The following ADCK1 variants were observed in gnomAD, a reference collection of about 807,000 sequenced individuals.
ADCK1 encodes aarF domain containing kinase 1, also known as aarF domain-containing protein kinase 1.
ADCK1 carries 41 observed loss-of-function variants against 52.3 expected under a neutral mutation model. The ratio of observed to expected loss-of-function variants is 0.78; its 90% CI spans 0.61 to 1.02. The LOEUF is 1.02. Among genes scored for constraint, ADCK1 ranks in the 50% least tolerant of loss-of-function variants. ADCK1 has a pLI of 0.00. For missense variants in ADCK1, 658 were observed against 679.5 expected, an observed-to-expected ratio of 0.97 and a Z score of 0.35; for synonymous variants, 250 against 274.6, an observed-to-expected ratio of 0.91 and a Z score of 0.89.
intron 1 of ADCK1, among the ~76,000 whole-genome samples, chr14:77,801,404 A>G (rs1230870525): frequency 2.0e-5 from 3 of 152,178 alleles, no homozygotes; most frequent in Non-Finnish European, 4.4e-5. Context: ...GTGATTGTAA[A>G]TATGTGCATA....
chr14:77,804,895 CGTCAGAGAT>C (rs1566619338), intron 1 of ADCK1, among the ~76,000 whole-genome samples: 2 of 152,076 alleles, frequency 1.3e-5, no homozygotes, highest in African/African-American at 4.8e-5. Flanking sequence ...TGAGTAGATG[CGTCAGAGAT>C]GTTATAGAAT....
chr14:77,825,324 C>T (rs977350929), intron 3 of ADCK1, among the ~76,000 whole-genome samples: 8 of 152,136 alleles, frequency 5.3e-5, no homozygotes, highest in Non-Finnish European at 8.8e-5. Flanking sequence ...AGACAGAGCA[C>T]GAGGTTAATA....
chr14:77,880,972 C>T (rs1222116009), intron 4 of ADCK1, among the ~76,000 whole-genome samples: 1 of 152,172 alleles, frequency 6.6e-6, no homozygotes, highest in Non-Finnish European at 1.5e-5. Context: ...GTAGTGGCTG[C>T]CTGGAGCACT....
rs149637277 is a variant in ADCK1 at position 77,875,945 on chromosome 14, C to T, written c.424-11146C>T. Among the ~76,000 whole-genome samples the T allele has an allele frequency of 1.5e-3, 224 of 152,258 alleles. 4 individuals are homozygous for T. The East Asian group carries it at 0.041, about 28-fold the overall frequency. On this transcript the variant is annotated intron_variant, in intron 4 of 10. Transcript: ENST00000238561. Reference sequence around the variant, plus strand: ...TCCCCTCATCTCATTCCCCAGCTTTCCAGCCCCACCATGACCCTGCAAAAT... The same window carrying T: ...TCCCCTCATCTCATTCCCCAGCTTTTCAGCCCCACCATGACCCTGCAAAAT...
rs1429776380 is a variant in ADCK1, at chr14:77,931,541, G to A, written c.1230G>A (p.Ala410=). Residue 410 remains alanine (A), a synonymous_variant, in exon 10 of 11, where the codon GCG becomes GCA. Transcript: ENST00000238561. ...AGGACTTAGAGATTCGCAACAACGC[G>A]GCCAACTACCTCCCCCAGATCAGCC... The part of the protein sequence containing the change: ...ATEDLEIRNN[A]ANYLPQISHL... 9 of 1,613,714 alleles carry A rather than the reference G, an allele frequency of 5.6e-6. No individual in the cohort carries two copies. The highest frequency in any genetic ancestry group is 3.3e-5 in the Admixed American group (2 of 60,024).
intron 4 of ADCK1, among the ~76,000 whole-genome samples, chr14:77,874,290 C>T (rs893015677): frequency 1.4e-4 from 21 of 152,174 alleles, no homozygotes; most frequent in African/African-American, 4.6e-4. Flanking sequence ...GAGGTCAGCA[C>T]AAGAAGAGAG....
At chr14:77,928,699 A>G (rs2084254992) in intron 9 of ADCK1, among the ~76,000 whole-genome samples, 1 of 152,090 alleles carries the variant, frequency 6.6e-6, no homozygotes, top group African/African-American at 2.4e-5. Flanking sequence ...TGACCTTGTG[A>G]TACACCCATC....
Position 77,833,818 on chromosome 14 carries a change from A to G in ADCK1, c.219+11300A>G, listed in dbSNP as rs146124823. On this transcript the variant is annotated intron_variant, in intron 3 of 10. Transcript: ENST00000238561. ...GTGGCTTCTCTGTAGGTCCTAGGCA[A>G]TCAGGGAAATGCCAGCTACCCTCTC... Among the ~76,000 whole-genome samples, 1,234 of 152,294 alleles carry G rather than the reference A, an allele frequency of 8.1e-3. 7 individuals are homozygous for G. Among genetic ancestry groups the G allele is most frequent in the Non-Finnish European group, 0.013 (908 of 68,008 alleles).
intron 1 of ADCK1, among the ~76,000 whole-genome samples, chr14:77,809,863 C>T (rs978728036): frequency 2.0e-5 from 3 of 150,920 alleles, no homozygotes; most frequent in African/African-American, 7.3e-5. Flanking sequence ...GGTGAAACCT[C>T]TTCTCTAATA....
intron 3 of ADCK1, among the ~76,000 whole-genome samples, chr14:77,853,641 T>G (rs2140124303): frequency 6.6e-6 from 1 of 152,318 alleles, no homozygotes; most frequent in African/African-American, 2.4e-5. Flanking sequence ...ACTATGAGAT[T>G]TTTTTCATCT....
intron 7 of ADCK1, among the ~76,000 whole-genome samples, chr14:77,921,930 C>T (rs899791749): frequency 3.3e-5 from 5 of 152,210 alleles, no homozygotes; most frequent in African/African-American, 9.6e-5. Flanking sequence ...CCATGACAGG[C>T]CTGCCCAGAC....
chr14:77,886,936 A>G (rs866224560), intron 4 of ADCK1, among the ~76,000 whole-genome samples, 155 bp from the exon 5 acceptor site: 5,183 of 119,512 alleles, frequency 0.043, 124 homozygotes, highest in South Asian at 0.081. Flanking sequence ...ACACACACAC[A>G]CACACGCACA....
At chr14:77,862,724 C>T (rs551343537) in intron 4 of ADCK1, among the ~76,000 whole-genome samples, 15 of 152,330 alleles carry the variant, frequency 9.8e-5, no homozygotes, top group South Asian at 2.1e-4. Context: ...TGCTGGTCTA[C>T]GCGGTTGGCA....
chr14:77,865,841 G>A (rs1164875680), intron 4 of ADCK1, among the ~76,000 whole-genome samples: 2 of 152,232 alleles, frequency 1.3e-5, no homozygotes, highest in Non-Finnish European at 2.9e-5. Context: ...GTTAATGATT[G>A]TGGAGCATCT....
At chr14:77,887,519 G>A (rs2083185655) in intron 5 of ADCK1, among the ~76,000 whole-genome samples, 1 of 152,160 alleles carries the variant, frequency 6.6e-6, no homozygotes. Context: ...GGCTGCTAGG[G>A]GCCAAGGGGA....
intron 4 of ADCK1, among the ~76,000 whole-genome samples, chr14:77,865,109 C>G (rs2082635221): frequency 6.7e-6 from 1 of 149,766 alleles, no homozygotes; most frequent in African/African-American, 2.5e-5. Flanking sequence ...TAGGGAGACC[C>G]CATCTCTGTT....
intron 4 of ADCK1, among the ~76,000 whole-genome samples, chr14:77,860,633 G>A (rs7494718): frequency 0.38 from 57,666 of 151,984 alleles, 11,727 homozygotes; most frequent in Admixed American, 0.51. Flanking sequence ...AGGTAAACCC[G>A]AACTGTGGCT....
At chr14:77,855,362 T>C (rs1270526003) in intron 3 of ADCK1, among the ~76,000 whole-genome samples, 1 of 152,226 alleles carries the variant, frequency 6.6e-6, no homozygotes, top group African/African-American at 2.4e-5. Flanking sequence ...ATCTTACTTT[T>C]ATAGATGTGA....
At chr14:77,887,612 T>C (rs1203325169) in intron 5 of ADCK1, among the ~76,000 whole-genome samples, 1 of 152,206 alleles carries the variant, frequency 6.6e-6, no homozygotes, top group Non-Finnish European at 1.5e-5. Context: ...AATTACATCT[T>C]AATTTGTTAA....
Sources: allele counts gnomAD v4.1 joint callset (sites outside exome capture counted in the v4.1 genomes callset), GRCh38; gene constraint gnomAD v4.1.1; transcripts MANE v1.5; gene names NCBI Gene and HGNC (gene_info 2026-07-23, HGNC 2026-07-21).